CLCN4: variants seen among roughly 807,000 people sequenced by gnomAD.
CLCN4 encodes the protein H(+)/Cl(-) exchange transporter 4.
A neutral mutation model predicts 41.7 loss-of-function variants in CLCN4; 1 was observed. That is an observed-to-expected ratio of 0.02 (90% CI 0.01 to 0.11). CLCN4 has a LOEUF of 0.11. Ranked by LOEUF, CLCN4 falls within the 10% of genes least tolerant of loss-of-function variation. CLCN4 has a pLI of 1.00. For missense variants in CLCN4, 287 were observed against 661.0 expected (o/e 0.43, Z 6.20); for synonymous variants, 277 against 285.8 (o/e 0.97, Z 0.31).
chrX:10,194,478 G>A (rs1924046335), intron 4 of CLCN4, among the ~76,000 whole-genome samples: 1 of 111,930 alleles, frequency 8.9e-6, no homozygotes, highest in Admixed American at 9.4e-5. Context: ...ATGTGAGGCC[G>A]TCGTAGTTGT....
At chrX:10,184,040 C>T (rs554137530) in intron 2 of CLCN4, among the ~76,000 whole-genome samples, 3 of 112,180 alleles carry the variant, frequency 2.7e-5, no homozygotes, top group South Asian at 3.7e-4. Flanking sequence ...TCATTAAAGT[C>T]TTGCCAGCAT....
At chrX:10,226,427 C>T (rs1463651949) in intron 12 of CLCN4, among the ~76,000 whole-genome samples, 1 of 111,186 alleles carries the variant, frequency 9.0e-6, no homozygotes, top group Non-Finnish European at 1.9e-5. Flanking sequence ...CACTAAATGC[C>T]CATATCAAAA....
chrX:10,162,078 T>C (rs1257067584), intron 2 of CLCN4, among the ~76,000 whole-genome samples: 2 of 100,387 alleles, frequency 2.0e-5, no homozygotes, highest in Admixed American at 1.1e-4. Context: ...AGTGCAGTGG[T>C]AGCGATCTCA....
intron 2 of CLCN4, among the ~76,000 whole-genome samples, chrX:10,162,021 T>C (rs1923121477): frequency 1.0e-5 from 1 of 96,115 alleles, no homozygotes; most frequent in East Asian, 3.3e-4. Flanking sequence ...GTCTTTTTTT[T>C]TTTTTTTTTT....
chrX:10,186,113 G>T lies in CLCN4; in HGVS notation c.144+937G>T, dbSNP rs938842424. Among the ~76,000 whole-genome samples, 8 of 111,225 alleles carry T rather than the reference G, an allele frequency of 7.2e-5. No individual in the cohort carries two copies. In the Middle Eastern group the frequency reaches 0.014, roughly 191 times the overall value. The stretch of plus-strand genomic sequence containing the variant: ...GCCTGATGAGGATGATGCCTTTGAT[G>T]CCTAGAGGAAGCAAGGGGGGACTGG... On this transcript the variant is annotated intron_variant, in intron 3 of 12. Coordinates refer to ENST00000380833, the MANE Select transcript of CLCN4 (RefSeq NM_001830.4).
At chrX:10,184,164 A>G (rs1416291619) in intron 2 of CLCN4, among the ~76,000 whole-genome samples, 1 of 112,190 alleles carries the variant, frequency 8.9e-6, no homozygotes, top group Non-Finnish European at 1.9e-5. Context: ...TTTGATTACC[A>G]TTATTTTCAT....
intron 6 of CLCN4, among the ~76,000 whole-genome samples, chrX:10,203,757 G>C (rs1475734438): frequency 9.0e-6 from 1 of 111,601 alleles, no homozygotes; most frequent in African/African-American, 3.3e-5. Context: ...TGGGGTGAGA[G>C]CCAGCCAGCA....
At chrX:10,173,786 C>T (rs1259525806) in intron 2 of CLCN4, among the ~76,000 whole-genome samples, 1 of 111,913 alleles carries the variant, frequency 8.9e-6, no homozygotes, top group African/African-American at 3.3e-5. Context: ...ATATGAGAAG[C>T]GCTGGTCTAG....
chrX:10,203,753 G>A (rs1277629818), intron 6 of CLCN4, among the ~76,000 whole-genome samples: 1 of 111,682 alleles, frequency 9.0e-6, no homozygotes, highest in Non-Finnish European at 1.9e-5. Flanking sequence ...TCTCTGGGGT[G>A]AGAGCCAGCC....
At chrX:10,206,906 G>T (rs202030501) in intron 8 of CLCN4, 130 bp downstream of exon 8, 61 of 436,799 alleles carry the variant, frequency 1.4e-4, no homozygotes, top group Non-Finnish European at 7.3e-5. Flanking sequence ...TTTTTTTTTT[G>T]TTTTGTTTTT....
chrX:10,166,989 G>A (rs1923265392), intron 2 of CLCN4, among the ~76,000 whole-genome samples: 1 of 112,483 alleles, frequency 8.9e-6, no homozygotes, highest in Admixed American at 9.3e-5. Flanking sequence ...CACAACAGCT[G>A]CCTAGTCCTA....
At position 10,220,754 on chromosome X, in the gene CLCN4, C is replaced by T; in HGVS notation, c.2069C>T (p.Pro690Leu). The part of the protein sequence containing the change: ...PPELPANSPH[P>L]LKLRRILNLS... ...GAGCTGCCGGCCAACAGCCCACATCCCCTGAAGCTGCGGCGCATCCTGAAC... is the reference window on the plus strand; with the variant it reads ...GAGCTGCCGGCCAACAGCCCACATCTCCTGAAGCTGCGGCGCATCCTGAAC... The change falls in exon 12 of 13, where the codon CCC (proline) becomes CTC (leucine). Residue 690 changes from proline (P) to leucine (L), a missense_variant. This residue lies in a region of CLCN4 where 71 missense variants were observed against 104.5 expected (regional missense o/e 0.68). Coordinates refer to ENST00000380833, the MANE Select transcript of CLCN4 (RefSeq NM_001830.4). 1.2e-5 allele frequency: 14 copies of T among 1,211,651 alleles called. No homozygotes were observed. Among genetic ancestry groups the T allele is most frequent in the Non-Finnish European group, 1.6e-5 (14 of 895,243 alleles).
chrX:10,191,796 T>C (rs1392004252), intron 4 of CLCN4, among the ~76,000 whole-genome samples: 1 of 96,360 alleles, frequency 1.0e-5, no homozygotes, highest in Non-Finnish European at 2.0e-5. Flanking sequence ...CACCTCGGCC[T>C]TCCAAAGTGC....
intron 5 of CLCN4, among the ~76,000 whole-genome samples, chrX:10,195,882 C>T (rs1924083985): frequency 8.9e-6 from 1 of 112,232 alleles, no homozygotes. Flanking sequence ...TTTATTTATC[C>T]ATTTGTTGGT....
rs1923000945 is a variant in CLCN4, at chrX:10,158,272, A to G, written c.-274-17A>G. On this transcript the variant is annotated splice_polypyrimidine_tract_variant and intron_variant, in intron 1 of 12. Transcript: ENST00000380833. ...TTTCTCCTCCTGTGTGTTGTTTTTCATAATTCTTCGCGAAAGGCCAGGCAA... is the reference window on the plus strand; with the variant it reads ...TTTCTCCTCCTGTGTGTTGTTTTTCGTAATTCTTCGCGAAAGGCCAGGCAA... 3.4e-6 allele frequency: 1 copy of G among 290,172 alleles called. No individual in the cohort carries two copies. Among genetic ancestry groups the G allele is most frequent in the Non-Finnish European group, 6.0e-6 (1 of 165,749 alleles). 23.9% of individuals were successfully genotyped at this position (290,172 alleles called of 1,213,427 possible).
At position 10,164,273 on chromosome X, in the gene CLCN4, G is replaced by A. The variant is rs973736149; in HGVS notation, c.-12+5722G>A. ...GCCAGTGCAAAGGCCCTGAGGCAGG[G>A]CAGGACAGGAAGCGTTTGCGGAAAG... On this transcript the variant is annotated intron_variant, in intron 2 of 12. Coordinates refer to ENST00000380833, the MANE Select transcript of CLCN4 (RefSeq NM_001830.4). 2.7e-5 allele frequency among the ~76,000 whole-genome samples: 3 copies of A among 112,164 alleles called. No individual in the cohort carries two copies. In the Admixed American group the frequency reaches 2.8e-4, roughly 11 times the overall value.
rs767678700 is a variant in CLCN4, at chrX:10,163,635, A to G, written c.-12+5084A>G. ...TATCCAGGCTGGTCTCGAACTCCTGACCTCAGGGGATGTGCCCGCCTCGGC... is the reference window on the plus strand; with the variant it reads ...TATCCAGGCTGGTCTCGAACTCCTGGCCTCAGGGGATGTGCCCGCCTCGGC... On this transcript the variant is annotated intron_variant, in intron 2 of 12. Transcript: ENST00000380833. 4.6e-4 allele frequency among the ~76,000 whole-genome samples: 51 copies of G among 111,138 alleles called. 1 individual carries two copies. The highest frequency in any genetic ancestry group is 1.1e-3 in the South Asian group (3 of 2,634).
intron 11 of CLCN4, 26 bp from the exon 12 acceptor site, chrX:10,220,635 C>T (rs1197781303): frequency 1.7e-6 from 2 of 1,160,645 alleles, no homozygotes; most frequent in South Asian, 3.6e-5. Flanking sequence ...TTGTGTGGCT[C>T]ATTGTTCCTG....
chrX:10,202,555 C>T (rs932319306), intron 6 of CLCN4, among the ~76,000 whole-genome samples: 7 of 97,995 alleles, frequency 7.1e-5, no homozygotes, highest in Admixed American at 3.7e-4. Context: ...GAGAGGATCA[C>T]TTGAGCCCAG....
Sources: gnomAD v4.1 joint callset for allele counts (sites outside exome capture counted in the v4.1 genomes callset) on GRCh38, gnomAD v4.1.1 for gene constraint, gnomAD v4.1.1 regional missense constraint, MANE v1.5 for transcripts, NCBI Gene and HGNC (gene_info 2026-07-23, HGNC 2026-07-21) for gene names.